The following GCNT4 variants were observed in gnomAD, a reference collection of about 807,000 sequenced individuals.
The protein encoded by GCNT4 is beta-1,3-galactosyl-O-glycosyl-glycoprotein beta-1,6-N-acetylglucosaminyltransferase 4.
A neutral mutation model predicts 31.3 loss-of-function variants in GCNT4; 17 were observed. The ratio of observed to expected loss-of-function variants is 0.54; its 90% CI spans 0.37 to 0.81. The LOEUF is 0.81. Ranked by LOEUF, GCNT4 falls within the 40% of genes least tolerant of loss-of-function variation. The pLI is 0.00. For synonymous variants in GCNT4, 158 were observed against 190.6 expected (o/e 0.83, Z 1.41); for missense variants, 503 against 525.5 (o/e 0.96, Z 0.42).
chr5:75,028,285 C>A lies in GCNT4; in HGVS notation c.*391G>T. 1 of 178,518 alleles carries A rather than the reference C, an allele frequency of 5.6e-6. No individual in the cohort carries two copies. Among genetic ancestry groups the A allele is most frequent in the South Asian group, 1.5e-4 (1 of 6,752 alleles). 11.1% of individuals were successfully genotyped at this position (178,518 alleles called of 1,614,324 possible). On this transcript the variant is annotated 3_prime_UTR_variant, in exon 4 of 4. Coordinates refer to ENST00000652361, the MANE Select transcript of GCNT4 (RefSeq NM_001366737.1). ...GTGGTTTATATGATCAGACGATTAC[C>A]ACAAACTTCAAAAGCTTCTTCAGTA...
chr5:75,049,895 G>A (rs1202684858), intron 2 of GCNT4, among the ~76,000 whole-genome samples: 1 of 152,228 alleles, frequency 6.6e-6, no homozygotes, highest in Non-Finnish European at 1.5e-5. Context: ...AACCAGAAAT[G>A]ATAGAAATGG....
rs1561372893 is a variant in GCNT4, at chr5:75,029,367, A to G, written c.671T>C (p.Ile224Thr). ...GGGAAAATCTTGCCCACACAAGTTG[A>G]TAACATATTTCCACTGGATTGAAGA... is the stretch of plus-strand genomic sequence containing the variant. Reference protein sequence around the residue: ...LKSSIQWKYVINLCGQDFPLK... With the variant: ...LKSSIQWKYVTNLCGQDFPLK... Residue 224 changes from isoleucine (I) to threonine (T), a missense_variant, in exon 4 of 4, where the codon ATC becomes ACC. Coordinates refer to ENST00000652361, the MANE Select transcript of GCNT4 (RefSeq NM_001366737.1). The G allele has an allele frequency of 2.5e-6, 4 of 1,614,170 alleles. No individual in the cohort carries two copies. The highest frequency in any genetic ancestry group is 2.2e-5 in the East Asian group (1 of 44,882).
At chr5:75,022,303 T>A (rs531295187), downstream of GCNT4, among the ~76,000 whole-genome samples, 1 of 152,352 alleles carries the variant, frequency 6.6e-6, no homozygotes, top group African/African-American at 2.4e-5. Flanking sequence ...TTTAAAAATA[T>A]AGATAGCTAC....
chr5:75,031,520 T>C (rs1163513107), intron 3 of GCNT4, among the ~76,000 whole-genome samples: 4 of 152,296 alleles, frequency 2.6e-5, no homozygotes, highest in Non-Finnish European at 5.9e-5. Context: ...GTTCCAATAA[T>C]ACTTTATTTA....
At chr5:75,039,277 G>A (rs1743267400) in intron 3 of GCNT4, among the ~76,000 whole-genome samples, 1 of 152,014 alleles carries the variant, frequency 6.6e-6, no homozygotes, top group African/African-American at 2.4e-5. Flanking sequence ...ATTTTTAGTC[G>A]AGACGGGGGT....
intron 2 of GCNT4, among the ~76,000 whole-genome samples, chr5:75,051,711 G>A (rs949512710): frequency 6.6e-6 from 1 of 152,188 alleles, no homozygotes; most frequent in Non-Finnish European, 1.5e-5. Context: ...AACTCTGACT[G>A]CCCGACTATG....
chr5:75,053,126 C>G (rs1743623283), upstream of GCNT4, among the ~76,000 whole-genome samples: 1 of 151,874 alleles, frequency 6.6e-6, no homozygotes, highest in African/African-American at 2.4e-5. Context: ...CTGCCCTTTC[C>G]CCCCGCTGGC....
Position 75,032,872 on chromosome 5 carries a change from G to GGTGTGTGTGTGT in GCNT4, c.-1-2846_-1-2835dup, listed in dbSNP as rs60551634. Among the ~76,000 whole-genome samples the GGTGTGTGTGTGT allele has an allele frequency of 9.2e-4, 120 of 130,746 alleles. No homozygotes were observed. The Middle Eastern group carries it at 0.012, about 13-fold the overall frequency. The allele number at this position is 130,746 out of a possible 152,430, so 85.8% of individuals were successfully genotyped here. On this transcript the variant is annotated intron_variant, in intron 3 of 3. Coordinates refer to ENST00000652361, the MANE Select transcript of GCNT4 (RefSeq NM_001366737.1). ...AGAAGACTAATCAATCCCAAATAGG[G>GGTGTGTGTGTGT]GTGTGTGTGTGTGTGTGTGTGTGTG...
At chr5:75,041,714 C>A (rs1478441698) in intron 3 of GCNT4, among the ~76,000 whole-genome samples, 2 of 152,146 alleles carry the variant, frequency 1.3e-5, no homozygotes, top group Non-Finnish European at 2.9e-5. Flanking sequence ...AAAAGAAGCG[C>A]AGAATTCAGC....
At chr5:75,018,073 A>C in the GCNT4 span, among the ~76,000 whole-genome samples, 1 of 152,224 alleles carries the variant, frequency 6.6e-6, no homozygotes, top group African/African-American at 2.4e-5. Flanking sequence ...CACAAGTAAG[A>C]TTTCTATGCC....
downstream of GCNT4, among the ~76,000 whole-genome samples, chr5:75,021,472 A>AGGAG (rs1017266123): frequency 6.6e-6 from 1 of 152,188 alleles, no homozygotes; most frequent in African/African-American, 2.4e-5. Flanking sequence ...CTCAGTAGCC[A>AGGAG]GGAGGGCTCT....
In GCNT4 at chr5:75,027,848, A is replaced by C. The variant is rs1742982216; in HGVS notation, c.*828T>G. ...TAGGCTTAATGTTCTGGTGTGTGAC[A>C]CTTGGAGCTATTGGTCAGTTCTTAT... On this transcript the variant is annotated 3_prime_UTR_variant, in exon 4 of 4. Transcript: ENST00000652361. The C allele has an allele frequency of 6.6e-6, 1 of 152,374 alleles. No homozygotes were observed. Among genetic ancestry groups the C allele is most frequent in the African/African-American group, 2.4e-5 (1 of 41,268 alleles). 9.4% of individuals were successfully genotyped at this position (152,374 alleles called of 1,614,324 possible).
At chr5:75,022,747 A>G (rs1268381607), downstream of GCNT4, among the ~76,000 whole-genome samples, 1 of 152,164 alleles carries the variant, frequency 6.6e-6, no homozygotes, top group Non-Finnish European at 1.5e-5. Context: ...GCACATACCA[A>G]GTTTTTCCTT....
downstream of GCNT4, among the ~76,000 whole-genome samples, chr5:75,022,039 T>C (rs975446034): frequency 6.6e-6 from 1 of 152,194 alleles, no homozygotes; most frequent in East Asian, 1.9e-4. Context: ...TTAGAGTTCA[T>C]AATTTTTTTC....
chr5:75,018,166 G>T, the GCNT4 span, among the ~76,000 whole-genome samples: 2,029 of 152,268 alleles, frequency 0.013, 20 homozygotes, highest in South Asian at 0.03. Context: ...CATCTCCCTG[G>T]GAACTGCTAC....
chr5:75,043,026 A>C (rs1743354250), intron 3 of GCNT4, among the ~76,000 whole-genome samples: 2 of 152,208 alleles, frequency 1.3e-5, no homozygotes, highest in Non-Finnish European at 2.9e-5. Context: ...AAATCTAGAA[A>C]TGATTCCAGA....
chr5:75,035,132 T>C (rs6897082), intron 3 of GCNT4, among the ~76,000 whole-genome samples: 2,865 of 101,580 alleles, frequency 0.028, 153 homozygotes, highest in South Asian at 0.039. Context: ...CGGACACGAC[T>C]GCATTCAGGG....
Position 75,028,583 on chromosome 5 carries a change from C to T in GCNT4, c.*93G>A. 1 of 1,202,108 alleles carries T rather than the reference C, an allele frequency of 8.3e-7. No homozygotes were observed. The highest frequency in any genetic ancestry group is 1.2e-6 in the Non-Finnish European group (1 of 862,478). The allele number at this position is 1,202,108 out of a possible 1,614,324, so 74.5% of individuals were successfully genotyped here. On this transcript the variant is annotated 3_prime_UTR_variant, in exon 4 of 4. Transcript: ENST00000652361. ...GGACACCTTTTAAAATATGGGAGGA[C>T]TGAGTTTAAACAGTATTGGGCATAG...
chr5:75,036,497 A>G (rs1174025297), intron 3 of GCNT4, among the ~76,000 whole-genome samples: 2 of 152,258 alleles, frequency 1.3e-5, no homozygotes, highest in Non-Finnish European at 2.9e-5. Context: ...GTCTCTCAGA[A>G]TATAAAGAAA....
Sources: gnomAD v4.1 joint callset for allele counts (sites outside exome capture counted in the v4.1 genomes callset) on GRCh38, gnomAD v4.1.1 for gene constraint, MANE v1.5 for transcripts, NCBI Gene and HGNC (gene_info 2026-07-23, HGNC 2026-07-21) for gene names.